The following SGCG variants were observed in gnomAD, a reference collection of about 807,000 sequenced individuals.
The protein encoded by SGCG is sarcoglycan gamma.
In SGCG, 26 loss-of-function variants were observed where a neutral mutation model predicts 29.3. The observed-to-expected ratio is 0.89, with a 90% CI of 0.65 to 1.23. The LOEUF (loss-of-function observed/expected upper bound fraction) is 1.23, where lower values mean the gene tolerates loss of function less well. SGCG is among the 50% of genes most tolerant of loss of function. The pLI is 0.00. For synonymous variants in SGCG, 145 were observed against 129.7 expected (o/e 1.12, Z -0.80); for missense variants, 353 against 356.0 (o/e 0.99, Z 0.07).
chr13:23,177,727 ATGTCCGGCTAT>A (rs1324938028), upstream of SGCG, among the ~76,000 whole-genome samples: 1 of 109,540 alleles, frequency 9.1e-6, no homozygotes, highest in Non-Finnish European at 1.9e-5. Context: ...GTCTGCCACC[ATGTCCGGCTAT>A]TTTTTTTTTT....
intron 1 of SGCG, among the ~76,000 whole-genome samples, chr13:23,197,390 T>C (rs192123096): frequency 1.3e-5 from 2 of 152,216 alleles, no homozygotes; most frequent in African/African-American, 4.8e-5. Context: ...CTAGGTGACA[T>C]GGCTTATGAA....
At chr13:23,204,029 A>T in intron 2 of SGCG, 140 bp downstream of exon 2, 4 of 700,532 alleles carry the variant, frequency 5.7e-6, no homozygotes, top group Non-Finnish European at 1.0e-5. Context: ...GGAGCAAAAT[A>T]TGTATGTAGC....
the SGCG span, among the ~76,000 whole-genome samples, chr13:23,174,167 T>G: frequency 6.6e-6 from 1 of 151,932 alleles, no homozygotes; most frequent in Non-Finnish European, 1.5e-5. Flanking sequence ...AGAACATGAG[T>G]GAAGGTCCAG....
chr13:23,306,645 T>C (rs1453714826), intron 6 of SGCG, among the ~76,000 whole-genome samples: 1 of 152,234 alleles, frequency 6.6e-6, no homozygotes, highest in East Asian at 1.9e-4. Context: ...ATATTTTATT[T>C]GTCACAAGTT....
intron 2 of SGCG, among the ~76,000 whole-genome samples, chr13:23,223,789 A>AC (rs1878781710): frequency 6.7e-6 from 1 of 149,398 alleles, no homozygotes; most frequent in East Asian, 1.9e-4. Flanking sequence ...AACATGGTGA[A>AC]ACCCCGTCTC....
At chr13:23,241,125 G>A (rs1593191813) in intron 3 of SGCG, among the ~76,000 whole-genome samples, 1 of 147,506 alleles carries the variant, frequency 6.8e-6, no homozygotes, top group African/African-American at 2.5e-5. Context: ...CTCCAGCCTG[G>A]GTGACGGAGC....
intron 1 of SGCG, among the ~76,000 whole-genome samples, chr13:23,184,012 G>C (rs944927040): frequency 6.6e-6 from 1 of 152,190 alleles, no homozygotes; most frequent in Non-Finnish European, 1.5e-5. Context: ...CAATATAAGT[G>C]TGTTGTCTCC....
intron 6 of SGCG, among the ~76,000 whole-genome samples, chr13:23,297,731 G>C (rs927879875): frequency 6.6e-6 from 1 of 152,120 alleles, no homozygotes; most frequent in African/African-American, 2.4e-5. Flanking sequence ...CTTATGGCCA[G>C]TTTTGGGGCC....
intron 3 of SGCG, among the ~76,000 whole-genome samples, chr13:23,235,315 C>T (rs9507058): frequency 0.16 from 24,244 of 151,444 alleles, 2,483 homozygotes; most frequent in African/African-American, 0.3. Context: ...GCCCAGATAG[C>T]GCCACTGCAT....
chr13:23,234,858 A>T, intron 3 of SGCG, 146 bp downstream of exon 3: 1 of 636,774 alleles, frequency 1.6e-6, no homozygotes, highest in Non-Finnish European at 2.8e-6. Context: ...AAGCTTGACT[A>T]TTGCAGAATT....
intron 3 of SGCG, chr13:23,246,806 A>C (rs1879728986): frequency 5.1e-6 from 1 of 196,990 alleles, no homozygotes; most frequent in African/African-American, 2.3e-5. Context: ...AAGCCGATGA[A>C]GACCTACTGG....
intron 5 of SGCG, among the ~76,000 whole-genome samples, chr13:23,289,987 G>A (rs1392446713): frequency 1.3e-5 from 2 of 152,196 alleles, no homozygotes; most frequent in African/African-American, 4.8e-5. Context: ...CCTGGATTGG[G>A]TGGTAGCAAT....
chr13:23,171,855 G>A, the SGCG span, among the ~76,000 whole-genome samples: 5 of 152,266 alleles, frequency 3.3e-5, no homozygotes, highest in African/African-American at 7.2e-5. Flanking sequence ...TGTGCAGCCC[G>A]GTTCCTAACA....
intron 5 of SGCG, among the ~76,000 whole-genome samples, chr13:23,289,791 T>G (rs1881629539): frequency 6.6e-6 from 1 of 152,198 alleles, no homozygotes; most frequent in African/African-American, 2.4e-5. Context: ...GCTGGCCATT[T>G]TAAGAATTTA....
chr13:23,192,036 G>T (rs1468505572), intron 1 of SGCG, among the ~76,000 whole-genome samples: 1 of 151,852 alleles, frequency 6.6e-6, no homozygotes, highest in African/African-American at 2.4e-5. Context: ...TAAGCCGGGC[G>T]TGGTGGCGGG....
At chr13:23,313,607 T>G (rs1882687311) in intron 6 of SGCG, among the ~76,000 whole-genome samples, 2 of 152,372 alleles carry the variant, frequency 1.3e-5, no homozygotes, top group African/African-American at 4.8e-5. Flanking sequence ...TATTTATTTT[T>G]ATTTAAAAAG....
intron 6 of SGCG, among the ~76,000 whole-genome samples, chr13:23,310,303 G>C (rs778552116): frequency 1.3e-5 from 2 of 151,832 alleles, no homozygotes; most frequent in Non-Finnish European, 2.9e-5. Flanking sequence ...AGCCAGGGTG[G>C]TCTCGATCTC....
At chr13:23,175,355 G>A in the SGCG span, among the ~76,000 whole-genome samples, 1 of 152,138 alleles carries the variant, frequency 6.6e-6, no homozygotes. Flanking sequence ...AAGCCTTTCT[G>A]ATTGATTTCC....
chr13:23,185,184 A>G (rs73168623), intron 1 of SGCG, among the ~76,000 whole-genome samples: 21,767 of 150,884 alleles, frequency 0.14, 1,666 homozygotes, highest in Non-Finnish European at 0.18. Flanking sequence ...CAACTTTCAC[A>G]TAGATAAAGT....
Sources: allele counts gnomAD v4.1 joint callset (sites outside exome capture counted in the v4.1 genomes callset), GRCh38; gene constraint gnomAD v4.1.1; transcripts MANE v1.5; gene names NCBI Gene and HGNC (gene_info 2026-07-23, HGNC 2026-07-21).